The following RYR2 variants were observed in gnomAD, a reference collection of about 807,000 sequenced individuals.
RYR2 encodes the protein ryanodine receptor 2, also known as cardiac muscle ryanodine receptor-calcium release channel.
RYR2 carries 227 observed loss-of-function variants against 601.1 expected under a neutral mutation model. That is an observed-to-expected ratio of 0.38 (90% CI 0.34 to 0.42). The LOEUF (loss-of-function observed/expected upper bound fraction) is 0.42. Ranked by LOEUF, RYR2 falls within the 10% of genes least tolerant of loss-of-function variation. The pLI, the probability that RYR2 is intolerant of heterozygous loss-of-function variation, is 1.00. For synonymous variants in RYR2, 2,223 were observed against 2,175.1 expected, an observed-to-expected ratio of 1.02 and a Z score of -0.61; for missense variants, 4,646 against 6,156.5, an observed-to-expected ratio of 0.75 and a Z score of 8.21.
intron 1 of RYR2, among the ~76,000 whole-genome samples, chr1:237,168,660 A>T (rs902285023): frequency 8.6e-5 from 13 of 151,638 alleles, no homozygotes; most frequent in African/African-American, 3.2e-4. Context: ...GGGGAGGGGG[A>T]AGGAATTTAG....
intron 27 of RYR2, among the ~76,000 whole-genome samples, chr1:237,553,126 G>A (rs1004689257): frequency 7.2e-5 from 11 of 152,018 alleles, no homozygotes; most frequent in African/African-American, 2.2e-4. Flanking sequence ...ATAGTTGTGG[G>A]TTCCTAGGAC....
At chr1:237,565,198 T>C (rs189746775) in intron 27 of RYR2, among the ~76,000 whole-genome samples, 2,330 of 139,246 alleles carry the variant, frequency 0.017, 97 homozygotes, top group East Asian at 0.08. Flanking sequence ...TTTCTTTCTT[T>C]CTTTCTTTCT....
intron 24 of RYR2, 121 bp from the exon 25 acceptor site, chr1:237,530,306 G>C (rs1038526983): frequency 4.1e-5 from 25 of 612,162 alleles, no homozygotes; most frequent in Middle Eastern, 2.7e-4. Context: ...GCGAGACTCC[G>C]TCTCAAAAAA....
In RYR2 at chr1:237,674,872, T is replaced by A. The variant is rs1400781121; in HGVS notation, c.8830+26T>A. On this transcript the variant is annotated intron_variant, in intron 60 of 104. Coordinates refer to ENST00000366574, the MANE Select transcript of RYR2 (RefSeq NM_001035.3). ...GTAGGTACCATAGTCCCATTGCTAA[T>A]AGCCCAGTGTTTGTTGTTTTTAATG... 2.4e-6 allele frequency: 3 copies of A among 1,252,364 alleles called. No homozygotes were observed. In the South Asian group the frequency reaches 3.8e-5, roughly 16 times the overall value. The allele number at this position is 1,252,364 out of a possible 1,614,324, so 77.6% of individuals were successfully genotyped here. A position where few individuals can be genotyped will look rare whatever the true frequency, so the allele number is the denominator to read the frequency against.
At chr1:237,073,048 C>T (rs559097627) in intron 1 of RYR2, among the ~76,000 whole-genome samples, 43 of 152,026 alleles carry the variant, frequency 2.8e-4, no homozygotes, top group Admixed American at 1.2e-3. Flanking sequence ...TTCGCCCCAC[C>T]GCACGCTGAA....
intron 100 of RYR2, among the ~76,000 whole-genome samples, chr1:237,817,215 G>C (rs542009178): frequency 1.3e-5 from 2 of 152,074 alleles, no homozygotes; most frequent in African/African-American, 4.8e-5. Context: ...ATTTAATTCT[G>C]TTCCCTAAAT....
At chr1:237,794,765 A>ATGTT (rs2149390858) in intron 95 of RYR2, among the ~76,000 whole-genome samples, 1 of 152,284 alleles carries the variant, frequency 6.6e-6, no homozygotes, top group East Asian at 1.9e-4. Context: ...TAAATGCTAA[A>ATGTT]TGTTTTGTTT....
Position 237,732,163 on chromosome 1 carries a change from G to A in RYR2, c.11039+14G>A, listed in dbSNP as rs748101859. On this transcript the variant is annotated intron_variant, in intron 78 of 104. Coordinates refer to ENST00000366574, the MANE Select transcript of RYR2 (RefSeq NM_001035.3). ...AACAGAGAAATGGTATGGTTGGGAGGGTTCCTATGAGACATAGGAGGAGCA... is the reference window on the plus strand; with the variant it reads ...AACAGAGAAATGGTATGGTTGGGAGAGTTCCTATGAGACATAGGAGGAGCA... 1.3e-6 allele frequency: 2 copies of A among 1,541,716 alleles called. No homozygotes were observed. The highest frequency in any genetic ancestry group is 8.9e-7 in the Non-Finnish European group (1 of 1,117,608).
intron 1 of RYR2, among the ~76,000 whole-genome samples, chr1:237,089,591 T>C (rs74149707): frequency 0.014 from 2,076 of 152,332 alleles, 42 homozygotes; most frequent in African/African-American, 0.047. Flanking sequence ...CAGCCTCCCT[T>C]GAGGGATACA....
chr1:237,269,096 G>A lies in RYR2; in HGVS notation c.49-1401G>A, dbSNP rs563745264. Among the ~76,000 whole-genome samples, 13 of 129,408 alleles carry A rather than the reference G, an allele frequency of 1.0e-4. 1 individual carries two copies. The South Asian group carries it at 2.1e-3, about 21-fold the overall frequency. The allele number at this position is 129,408 out of a possible 152,430, so 84.9% of individuals were successfully genotyped here. A position where few individuals can be genotyped will look rare whatever the true frequency, so the allele number is the denominator to read the frequency against. On this transcript the variant is annotated intron_variant, in intron 1 of 104. Coordinates refer to ENST00000366574, the MANE Select transcript of RYR2 (RefSeq NM_001035.3). Reference sequence around the variant, plus strand: ...TCGCTCTTGTTGCCCAGGCTGGAGCGCAATGGCACGATCTCAGCTCACTGC... The same window carrying A: ...TCGCTCTTGTTGCCCAGGCTGGAGCACAATGGCACGATCTCAGCTCACTGC...
chr1:237,511,755 G>A lies in RYR2; in HGVS notation c.2786G>A (p.Arg929His), dbSNP rs876657988. The stretch of plus-strand genomic sequence containing the variant: ...TTCTCCAAGCTGCCTGAACAGGAGC[G>A]CAATTACAACTTACAAATGTCGCTT... ...VEFSKLPEQE[R>H]NYNLQMSLET... Residue 929 changes from arginine to histidine, a missense_variant, in exon 24 of 105, where the codon CGC becomes CAC. Arg to His is a conservative substitution (Grantham distance 29, BLOSUM62 0). Coordinates refer to ENST00000366574, the MANE Select transcript of RYR2 (RefSeq NM_001035.3). 5.2e-6 allele frequency: 8 copies of A among 1,545,048 alleles called. No homozygotes were observed. Among genetic ancestry groups the A allele is most frequent in the Non-Finnish European group, 7.0e-6 (8 of 1,140,668 alleles).
intron 56 of RYR2, among the ~76,000 whole-genome samples, chr1:237,665,182 CA>C (rs1684194405): frequency 1.3e-5 from 2 of 151,996 alleles, no homozygotes; most frequent in Non-Finnish European, 2.9e-5. Context: ...GGGTGGATCA[CA>C]AGGTCAGGAG....
At chr1:237,389,647 G>A (rs1487014229) in intron 10 of RYR2, among the ~76,000 whole-genome samples, 1 of 152,176 alleles carries the variant, frequency 6.6e-6, no homozygotes, top group Non-Finnish European at 1.5e-5. Context: ...GTGAGAGAAG[G>A]TATCTAATCC....
chr1:237,666,021 A>C (rs1262581601), intron 56 of RYR2, among the ~76,000 whole-genome samples: 1 of 152,210 alleles, frequency 6.6e-6, no homozygotes, highest in Non-Finnish European at 1.5e-5. Context: ...GAAATTAAAG[A>C]AGTCTCTTCC....
chr1:237,498,586 AC>A (rs1258194020), intron 20 of RYR2, among the ~76,000 whole-genome samples: 1 of 152,066 alleles, frequency 6.6e-6, no homozygotes, highest in Non-Finnish European at 1.5e-5. Flanking sequence ...AAAAAAAAAA[AC>A]ATTGATCGAC....
chr1:237,591,092 C>T (rs1156277311), intron 31 of RYR2, 100 bp downstream of exon 31: 2 of 182,892 alleles, frequency 1.1e-5, no homozygotes, highest in Non-Finnish European at 1.9e-5. Flanking sequence ...TCCTCCTTCT[C>T]CTCCTCCTCC....
intron 79 of RYR2, among the ~76,000 whole-genome samples, chr1:237,735,968 T>C (rs1441864641): frequency 6.6e-6 from 1 of 152,192 alleles, no homozygotes; most frequent in Non-Finnish European, 1.5e-5. Flanking sequence ...AACATAAAAC[T>C]GTATGTTTAA....
At chr1:237,245,117 T>C (rs1935990571) in intron 1 of RYR2, among the ~76,000 whole-genome samples, 1 of 151,908 alleles carries the variant, frequency 6.6e-6, no homozygotes, top group East Asian at 1.9e-4. Context: ...CTTGGGAGAC[T>C]GAGGCAGGAG....
At chr1:237,635,502 G>A (rs1037720575) in intron 44 of RYR2, among the ~76,000 whole-genome samples, 8 of 152,098 alleles carry the variant, frequency 5.3e-5, no homozygotes, top group African/African-American at 1.2e-4. Flanking sequence ...TAGTAAAGCC[G>A]TGCACTCTAA....
Sources: gnomAD v4.1 joint callset for allele counts (sites outside exome capture counted in the v4.1 genomes callset) on GRCh38, gnomAD v4.1.1 for gene constraint, MANE v1.5 for transcripts, NCBI Gene and HGNC (gene_info 2026-07-23, HGNC 2026-07-21) for gene names.